The following CACNA1E variants were observed in gnomAD, a reference collection of about 807,000 sequenced individuals.
CACNA1E encodes voltage-dependent R-type calcium channel subunit alpha-1E.
A neutral mutation model predicts 259.2 loss-of-function variants in CACNA1E; 40 were observed. The observed-to-expected ratio is 0.15, with a 90% CI of 0.12 to 0.20. The LOEUF (loss-of-function observed/expected upper bound fraction) is 0.20. Among genes scored for constraint, CACNA1E ranks in the 10% least tolerant of loss-of-function variants. CACNA1E has a pLI of 1.00. For synonymous variants in CACNA1E, 1,104 were observed against 1,138.5 expected, an observed-to-expected ratio of 0.97 and a Z score of 0.61; for missense variants, 1,874 against 3,040.1, an observed-to-expected ratio of 0.62 and a Z score of 9.02.
At chr1:181,782,998 C>A (rs1660552272) in intron 39 of CACNA1E, among the ~76,000 whole-genome samples, 1 of 152,142 alleles carries the variant, frequency 6.6e-6, no homozygotes, top group Admixed American at 6.5e-5. Context: ...CCACTCTGCT[C>A]CTGCCTGGGC....
intron 7 of CACNA1E, among the ~76,000 whole-genome samples, chr1:181,684,199 T>C (rs1650280060): frequency 6.6e-6 from 1 of 152,220 alleles, no homozygotes; most frequent in South Asian, 2.1e-4. Flanking sequence ...TGGTATCTCA[T>C]TGTGGTTTTG....
chr1:181,732,513 C>A lies in CACNA1E; in HGVS notation c.2427C>A (p.Asn809Lys). 2 of 1,551,460 alleles carry A rather than the reference C, an allele frequency of 1.3e-6. No individual in the cohort carries two copies. Among genetic ancestry groups the A allele is most frequent in the East Asian group, 2.4e-5 (1 of 40,894 alleles). ...AGGCGCCGACCATGAACCCGCTCAA[C>A]CCCCTCAACCCGCTCAGCTCCCTCA... ...REEAPTMNPL[N>K]PLNPLSSLNP... Residue 809 changes from asparagine (N) to lysine (K), a missense_variant, in exon 20 of 48, where the codon AAC (asparagine) becomes AAA (lysine). Around this residue, in one of 14 missense-constraint regions of CACNA1E, gnomAD observed 476 missense variants for 514.0 expected, o/e 0.93. Coordinates refer to ENST00000367573, the MANE Select transcript of CACNA1E (RefSeq NM_001205293.3). The surrounding 1 kb of genome is among the most constrained non-coding windows in gnomAD (Gnocchi z 5.5).
chr1:181,798,298 G>A lies in CACNA1E; in HGVS notation c.6406G>A (p.Gly2136Ser), dbSNP rs995694933. The A allele has an allele frequency of 1.9e-6, 3 of 1,592,010 alleles. No homozygotes were observed. Among genetic ancestry groups the A allele is most frequent in the African/African-American group, 1.3e-5 (1 of 74,764 alleles). Residue 2136 changes from glycine (G) to serine (S), a missense_variant, in exon 48 of 48, where the codon GGT (glycine) becomes AGT (serine). By Grantham distance (56) the Gly-to-Ser change is moderately conservative. This residue lies in a region of CACNA1E where 542 missense variants were observed against 587.2 expected (regional missense o/e 0.92). Transcript: ENST00000367573. This position sits in a 1 kb window ranked among gnomAD's most constrained non-coding sequence, Gnocchi z 4.2. The stretch of plus-strand genomic sequence containing the variant: ...TGTCTCTCCTGCTATACAGGGCACA[G>A]GTTCCCTAAGTGAGAGCTCCATCCC... ...RSQTPNRQGT[G>S]SLSESSIPSV...
At chr1:181,336,114 A>G (rs774940218) in intron 1 of CACNA1E, among the ~76,000 whole-genome samples, 1 of 152,142 alleles carries the variant, frequency 6.6e-6, no homozygotes, top group African/African-American at 2.4e-5. Flanking sequence ...TTCTATTGTG[A>G]CTTTTCAACA....
intron 1 of CACNA1E, among the ~76,000 whole-genome samples, chr1:181,339,795 T>TC (rs1228110930): frequency 1.3e-5 from 2 of 152,140 alleles, no homozygotes; most frequent in Admixed American, 6.5e-5. Flanking sequence ...GAATGATTGT[T>TC]TATATCCTTT....
upstream of CACNA1E, among the ~76,000 whole-genome samples, chr1:181,482,771 G>A (rs1222617624): frequency 6.6e-6 from 1 of 152,266 alleles, no homozygotes; most frequent in African/African-American, 2.4e-5. Context: ...GTGCCAGGCC[G>A]CCGCGAGGCT....
chr1:181,385,266 C>A (rs777408914), intron 1 of CACNA1E, among the ~76,000 whole-genome samples: 1 of 152,168 alleles, frequency 6.6e-6, no homozygotes, highest in Non-Finnish European at 1.5e-5. Context: ...AGATAGCTAG[C>A]GAGTGCAAGT....
intron 2 of CACNA1E, among the ~76,000 whole-genome samples, chr1:181,464,871 C>T (rs897950021): frequency 6.6e-6 from 1 of 151,990 alleles, no homozygotes; most frequent in Non-Finnish European, 1.5e-5. Context: ...GCCCACTTTA[C>T]GTGGCATTGT....
At chr1:181,425,431 A>G (rs1659095592) in intron 2 of CACNA1E, among the ~76,000 whole-genome samples, 1 of 152,148 alleles carries the variant, frequency 6.6e-6, no homozygotes, top group Non-Finnish European at 1.5e-5. Context: ...ACGTGCAGAA[A>G]AGGAAGTGCT....
intron 6 of CACNA1E, among the ~76,000 whole-genome samples, chr1:181,623,185 C>T (rs2101901293): frequency 6.6e-6 from 1 of 152,256 alleles, no homozygotes. Flanking sequence ...AGAAGGCTCT[C>T]CCTAACTAAT....
At chr1:181,351,297 T>C (rs1398381374) in intron 1 of CACNA1E, among the ~76,000 whole-genome samples, 1 of 152,120 alleles carries the variant, frequency 6.6e-6, no homozygotes, top group African/African-American at 2.4e-5. Context: ...TCTAGGGCTG[T>C]AGCCCCACGG....
At chr1:181,674,549 A>G (rs573033823) in intron 7 of CACNA1E, among the ~76,000 whole-genome samples, 9 of 152,322 alleles carry the variant, frequency 5.9e-5, no homozygotes, top group African/African-American at 1.9e-4. Context: ...TCTGTCTTAG[A>G]GCCCCTGGAC....
Position 181,686,275 on chromosome 1 carries a change from G to GTTT in CACNA1E, c.1056-24653_1056-24651dup, listed in dbSNP as rs66526388. On this transcript the variant is annotated intron_variant, in intron 7 of 47. Transcript: ENST00000367573. Reference sequence around the variant, plus strand: ...AGGCTTGGAGGCCAGTAAGAACCAAGTTTTTTTTTTTTTTTTTTTTTTTTT... The same window carrying GTTT: ...AGGCTTGGAGGCCAGTAAGAACCAAGTTTTTTTTTTTTTTTTTTTTTTTTTTTT... 3.2e-4 allele frequency among the ~76,000 whole-genome samples: 19 copies of GTTT among 58,636 alleles called. 2 individuals carry two copies. The highest frequency in any genetic ancestry group is 5.7e-4 in the East Asian group (1 of 1,768). 38.5% of individuals were successfully genotyped at this position (58,636 alleles called of 152,430 possible).
At chr1:181,577,720 GA>G (rs1454939612) in intron 3 of CACNA1E, 45 bp from the exon 4 acceptor site, 3 of 1,352,498 alleles carry the variant, frequency 2.2e-6, no homozygotes, top group South Asian at 1.2e-5. Flanking sequence ...AACAAGAGGG[GA>G]AAACCAGACT....
intron 1 of CACNA1E, among the ~76,000 whole-genome samples, chr1:181,491,795 ATT>A (rs1318814809): frequency 2.0e-5 from 3 of 152,258 alleles, no homozygotes; most frequent in African/African-American, 7.2e-5. Context: ...CACCCATTTA[ATT>A]CCAGCACCTA....
intron 1 of CACNA1E, among the ~76,000 whole-genome samples, chr1:181,490,541 A>AAG (rs1664219283): frequency 8.6e-6 from 1 of 116,328 alleles, no homozygotes; most frequent in Non-Finnish European, 1.8e-5. Context: ...TGTGCCAAGC[A>AAG]TGTTTTTTTT....
chr1:181,798,354 A>T lies in CACNA1E; in HGVS notation c.6462A>T (p.Arg2154Ser), dbSNP rs757207470. 7 of 1,610,766 alleles carry T rather than the reference A, an allele frequency of 4.3e-6. No individual in the cohort carries two copies. The highest frequency in any genetic ancestry group is 1.3e-5 in the African/African-American group (1 of 74,926). Residue 2154 changes from arginine to serine, a missense_variant, in exon 48 of 48, where the codon AGA (arginine) becomes AGT (serine). Physicochemically the swap from Arg to Ser is moderately radical, Grantham distance 110 (BLOSUM62 -1). Around this residue, in one of 14 missense-constraint regions of CACNA1E, gnomAD observed 542 missense variants for 587.2 expected, o/e 0.92. Transcript: ENST00000367573. The surrounding 1 kb of genome is among the most constrained non-coding windows in gnomAD (Gnocchi z 4.2). ...TCTCTGACACCAGCACCCCAAGAAGAAGTCGTCGGCAGCTCCCACCCGTCC... is the reference window on the plus strand; with the variant it reads ...TCTCTGACACCAGCACCCCAAGAAGTAGTCGTCGGCAGCTCCCACCCGTCC... ...PSVSDTSTPR[R>S]SRRQLPPVPP...
At chr1:181,629,609 T>C (rs990439042) in intron 6 of CACNA1E, among the ~76,000 whole-genome samples, 2 of 151,822 alleles carry the variant, frequency 1.3e-5, no homozygotes, top group African/African-American at 2.4e-5. Context: ...TGTCAACAAA[T>C]GATTAATACA....
At chr1:181,773,570 T>C (rs1357422491) in intron 37 of CACNA1E, among the ~76,000 whole-genome samples, 1 of 152,198 alleles carries the variant, frequency 6.6e-6, no homozygotes, top group African/African-American at 2.4e-5. Flanking sequence ...AATAATGCTA[T>C]TGATGGGAGT....
Sources: allele counts gnomAD v4.1 joint callset (sites outside exome capture counted in the v4.1 genomes callset), GRCh38; gene constraint gnomAD v4.1.1; regional missense constraint gnomAD v4.1.1; non-coding constraint Gnocchi (gnomAD v3.1); transcripts MANE v1.5; gene names NCBI Gene and HGNC (gene_info 2026-07-23, HGNC 2026-07-21).